MAGI2: variants seen among roughly 807,000 people sequenced by gnomAD.
MAGI2 encodes the protein membrane-associated guanylate kinase, WW and PDZ domain-containing protein 2.
A neutral mutation model predicts 133.3 loss-of-function variants in MAGI2; 35 were observed. The observed-to-expected ratio is 0.26, with a 90% confidence interval of 0.20 to 0.35. The LOEUF is 0.35. Among genes scored for constraint, MAGI2 ranks in the 10% least tolerant of loss-of-function variants. MAGI2 has a pLI of 1.00. For synonymous variants in MAGI2, 729 were observed against 710.6 expected, an observed-to-expected ratio of 1.03 and a Z score of -0.41; for missense variants, 1,636 against 1,863.4, an observed-to-expected ratio of 0.88 and a Z score of 2.25.
intron 10 of MAGI2, chr7:78,251,709 T>G (rs1792401479): frequency 6.6e-6 from 1 of 152,104 alleles, no homozygotes; most frequent in Non-Finnish European, 1.5e-5. Context: ...CTGAGAGAAA[T>G]TAAAGATCCA....
intron 11 of MAGI2, among the ~76,000 whole-genome samples, chr7:78,199,530 T>A (rs1563250729): frequency 6.6e-6 from 1 of 152,232 alleles, no homozygotes; most frequent in East Asian, 1.9e-4. Flanking sequence ...CTTACGTAGC[T>A]AGCTCAAGTC....
chr7:78,101,611 A>G (rs941497461), intron 20 of MAGI2, among the ~76,000 whole-genome samples: 5 of 152,218 alleles, frequency 3.3e-5, no homozygotes, highest in African/African-American at 9.6e-5. Flanking sequence ...AGAAGAAAAT[A>G]TAGGGAAGAA....
chr7:78,826,379 AT>A (rs1359747976), intron 2 of MAGI2, among the ~76,000 whole-genome samples: 1 of 150,474 alleles, frequency 6.6e-6, no homozygotes, highest in Non-Finnish European at 1.5e-5. Context: ...AAAAGAGTAT[AT>A]TAATAAGTAA....
At chr7:79,353,784 C>T in intron 1 of MAGI2, 1 of 219,584 alleles carries the variant, frequency 4.6e-6, no homozygotes, top group South Asian at 6.2e-5. Flanking sequence ...GCACTGAGTC[C>T]ATCTAACAAC....
At chr7:79,205,730 G>A (rs1287435735) in intron 1 of MAGI2, among the ~76,000 whole-genome samples, 2 of 150,658 alleles carry the variant, frequency 1.3e-5, no homozygotes, top group African/African-American at 4.9e-5. Flanking sequence ...AAATTTGGTG[G>A]CAAGAGTGGA....
intron 15 of MAGI2, among the ~76,000 whole-genome samples, chr7:78,167,638 A>G (rs1271476494): frequency 6.6e-6 from 1 of 152,214 alleles, no homozygotes. Context: ...AAACTACCAG[A>G]AAGCAGAGAG....
chr7:78,406,364 T>G (rs1415963346), intron 6 of MAGI2, among the ~76,000 whole-genome samples: 1 of 152,058 alleles, frequency 6.6e-6, no homozygotes, highest in Non-Finnish European at 1.5e-5. Context: ...GTAAGTTTGG[T>G]TGTGTTTGTA....
intron 3 of MAGI2, among the ~76,000 whole-genome samples, chr7:78,563,026 A>G (rs17438461): frequency 0.33 from 49,701 of 148,912 alleles, 9,388 homozygotes; most frequent in Middle Eastern, 0.46. Flanking sequence ...TGGTCATTTG[A>G]TTGTAATTTC....
chr7:78,895,847 T>A (rs1642905), intron 2 of MAGI2, among the ~76,000 whole-genome samples: 78,805 of 152,066 alleles, frequency 0.52, 22,063 homozygotes, highest in South Asian at 0.69. Flanking sequence ...TGTTCAAAGT[T>A]AACAAATTAT....
intron 2 of MAGI2, among the ~76,000 whole-genome samples, chr7:78,938,277 A>T (rs1220010289): frequency 6.6e-6 from 1 of 152,130 alleles, no homozygotes; most frequent in Non-Finnish European, 1.5e-5. Flanking sequence ...GAAAGAGAAG[A>T]ATCAATGTTT....
chr7:78,536,863 G>C (rs1343687054), intron 3 of MAGI2, among the ~76,000 whole-genome samples: 1 of 150,250 alleles, frequency 6.7e-6, no homozygotes, highest in African/African-American at 2.4e-5. Flanking sequence ...TTGGTTACGT[G>C]GATAAGATCT....
At chr7:79,427,766 C>T (rs529860931) in intron 1 of MAGI2, among the ~76,000 whole-genome samples, 1 of 152,230 alleles carries the variant, frequency 6.6e-6, no homozygotes, top group South Asian at 2.1e-4. Context: ...AAAGTAGAAA[C>T]AGATGTATCA....
intron 2 of MAGI2, among the ~76,000 whole-genome samples, chr7:78,801,022 T>A (rs1237016269): frequency 6.6e-6 from 1 of 152,012 alleles, no homozygotes; most frequent in Non-Finnish European, 1.5e-5. Flanking sequence ...AGCTACAGAG[T>A]TTAATGTTTT....
intron 1 of MAGI2, among the ~76,000 whole-genome samples, chr7:79,214,442 T>TATAA (rs1374232866): frequency 5.9e-4 from 65 of 110,464 alleles, no homozygotes; most frequent in Non-Finnish European, 1.1e-3. Flanking sequence ...TATATATATA[T>TATAA]AAATATGCAC....
At chr7:78,278,429 T>C (rs771347521) in intron 9 of MAGI2, among the ~76,000 whole-genome samples, 7 of 152,182 alleles carry the variant, frequency 4.6e-5, no homozygotes, top group Admixed American at 2.0e-4. Flanking sequence ...TGGATTGATA[T>C]GGTTTTTATA....
intron 1 of MAGI2, among the ~76,000 whole-genome samples, chr7:79,078,039 C>T (rs115306195): frequency 2.2e-3 from 329 of 152,268 alleles, no homozygotes; most frequent in African/African-American, 7.6e-3. Context: ...TACTTATACT[C>T]CAGCAGCAAT....
At chr7:78,170,817 A>C (rs771433013) in intron 14 of MAGI2, 84 of 151,486 alleles carry the variant, frequency 5.5e-4, no homozygotes, top group Non-Finnish European at 1.1e-3. Flanking sequence ...CATAATTATT[A>C]TATGTATATA....
At chr7:79,113,471 A>G (rs1275742015) in intron 1 of MAGI2, among the ~76,000 whole-genome samples, 2 of 152,112 alleles carry the variant, frequency 1.3e-5, no homozygotes, top group African/African-American at 2.4e-5. Flanking sequence ...AGGCAACACA[A>G]CTCTAAGTTT....
At chr7:78,728,289 C>A (rs1348100220) in intron 2 of MAGI2, among the ~76,000 whole-genome samples, 1 of 152,038 alleles carries the variant, frequency 6.6e-6, no homozygotes. Flanking sequence ...ATAAACAGCC[C>A]AATTTTAAGA....
Sources: allele counts gnomAD v4.1 joint callset (sites outside exome capture counted in the v4.1 genomes callset), GRCh38; gene constraint gnomAD v4.1.1; transcripts MANE v1.5; gene names NCBI Gene and HGNC (gene_info 2026-07-23, HGNC 2026-07-21).